The following GRID2 variants were observed in gnomAD, a reference collection of about 807,000 sequenced individuals.
GRID2 encodes glutamate receptor ionotropic, delta-2.
GRID2 carries 33 observed loss-of-function variants against 114.8 expected under a neutral mutation model. The ratio of observed to expected loss-of-function variants is 0.29; its 90% CI spans 0.22 to 0.38. GRID2 has a LOEUF of 0.38. Ranked by LOEUF, GRID2 falls within the 10% of genes least tolerant of loss-of-function variation. The pLI, the probability that GRID2 is intolerant of heterozygous loss-of-function variation, is 1.00. For synonymous variants in GRID2, 505 were observed against 449.9 expected (o/e 1.12, Z -1.55); for missense variants, 1,184 against 1,257.7 (o/e 0.94, Z 0.89).
chr4:93,704,213 T>C (rs5966945), intron 14 of GRID2, among the ~76,000 whole-genome samples: 6,404 of 152,268 alleles, frequency 0.042, 218 homozygotes, highest in African/African-American at 0.084. Flanking sequence ...TGGTATCTCA[T>C]TGTGGTTTTG....
intron 2 of GRID2, among the ~76,000 whole-genome samples, chr4:92,783,120 G>A (rs946754871): frequency 6.6e-6 from 1 of 151,962 alleles, no homozygotes; most frequent in Non-Finnish European, 1.5e-5. Context: ...CTTGAGATAT[G>A]TTATGCTTAT....
intron 2 of GRID2, among the ~76,000 whole-genome samples, chr4:92,674,301 T>C (rs1484049203): frequency 6.6e-6 from 1 of 152,086 alleles, no homozygotes; most frequent in East Asian, 1.9e-4. Context: ...GATCTCAAAG[T>C]CTCTGTTTAT....
At chr4:92,997,416 A>C (rs1329560314) in intron 2 of GRID2, among the ~76,000 whole-genome samples, 1 of 152,196 alleles carries the variant, frequency 6.6e-6, no homozygotes. Context: ...AGGGTTCCTC[A>C]TAAGATCAGA....
intron 1 of GRID2, among the ~76,000 whole-genome samples, chr4:92,392,203 G>A (rs1339311998): frequency 4.6e-5 from 7 of 152,196 alleles, no homozygotes; most frequent in African/African-American, 1.7e-4. Flanking sequence ...CCTTTGAAAA[G>A]TAAATTTGAC....
chr4:93,470,493 G>A (rs1240906202), intron 11 of GRID2, among the ~76,000 whole-genome samples: 1 of 152,066 alleles, frequency 6.6e-6, no homozygotes, highest in Non-Finnish European at 1.5e-5. Context: ...TCATTGAATT[G>A]AGGGAGCTTA....
intron 1 of GRID2, among the ~76,000 whole-genome samples, chr4:92,413,620 A>G (rs28610963): frequency 0.017 from 2,529 of 152,270 alleles, 75 homozygotes; most frequent in African/African-American, 0.058. Context: ...ACATATGGAA[A>G]GTGTTTGGGA....
chr4:93,395,560 G>T, intron 8 of GRID2, 47 bp from the exon 9 acceptor site: 2 of 821,234 alleles, frequency 2.4e-6, no homozygotes, highest in South Asian at 1.3e-5. Context: ...GAGGTGATGG[G>T]ACTGTTCTTC....
chr4:92,542,790 AAAG>A (rs1726043450), intron 1 of GRID2, among the ~76,000 whole-genome samples: 3 of 152,264 alleles, frequency 2.0e-5, no homozygotes, highest in Admixed American at 1.3e-4. Flanking sequence ...AAAAATTTAA[AAAG>A]AAAATGCTAA....
chr4:93,676,080 A>G (rs1257964451), intron 14 of GRID2, among the ~76,000 whole-genome samples: 2 of 152,248 alleles, frequency 1.3e-5, no homozygotes, highest in South Asian at 2.1e-4. Flanking sequence ...TAAAGCATTC[A>G]GTATGTTGCA....
At chr4:92,797,607 A>G (rs917432085) in intron 2 of GRID2, among the ~76,000 whole-genome samples, 21 of 151,956 alleles carry the variant, frequency 1.4e-4, no homozygotes, top group Non-Finnish European at 5.9e-5. Flanking sequence ...CTTTTTCAAT[A>G]TATTTTTGTA....
chr4:93,652,784 T>TAAAAA (rs200098114), intron 14 of GRID2, among the ~76,000 whole-genome samples: 28 of 86,380 alleles, frequency 3.2e-4, no homozygotes, highest in South Asian at 4.4e-4. Context: ...CAGTAAATGC[T>TAAAAA]AAAAAAAAAA....
intron 14 of GRID2, among the ~76,000 whole-genome samples, chr4:93,718,212 C>A (rs996786354): frequency 1.3e-5 from 2 of 152,090 alleles, no homozygotes; most frequent in Admixed American, 6.6e-5. Flanking sequence ...TGTATATATA[C>A]CCCTATATGC....
chr4:92,877,425 G>A (rs975634950), intron 2 of GRID2, among the ~76,000 whole-genome samples: 5 of 152,166 alleles, frequency 3.3e-5, no homozygotes, highest in African/African-American at 1.2e-4. Flanking sequence ...ATGAAGCTCT[G>A]AAGTAACTTT....
At chr4:92,844,894 A>C (rs1379695877) in intron 2 of GRID2, among the ~76,000 whole-genome samples, 1 of 152,052 alleles carries the variant, frequency 6.6e-6, no homozygotes, top group African/African-American at 2.4e-5. Flanking sequence ...TTACTGCTTT[A>C]ATAAGGACAT....
intron 2 of GRID2, among the ~76,000 whole-genome samples, chr4:92,709,330 C>A (rs1392060740): frequency 6.6e-6 from 1 of 151,712 alleles, no homozygotes; most frequent in Non-Finnish European, 1.5e-5. Flanking sequence ...TATTTAATAA[C>A]AACATTCTGC....
At chr4:93,109,311 A>G (rs1732552044) in intron 3 of GRID2, among the ~76,000 whole-genome samples, 1 of 152,240 alleles carries the variant, frequency 6.6e-6, no homozygotes, top group Non-Finnish European at 1.5e-5. Flanking sequence ...TAGAATTTAT[A>G]CAGTATATAT....
intron 13 of GRID2, among the ~76,000 whole-genome samples, chr4:93,566,546 G>C (rs1735439869): frequency 6.6e-6 from 1 of 152,134 alleles, no homozygotes; most frequent in African/African-American, 2.4e-5. Context: ...GAGGCGGGTG[G>C]ATTGCTTGAG....
chr4:92,948,956 G>T (rs1342120784), intron 2 of GRID2, among the ~76,000 whole-genome samples: 2 of 151,642 alleles, frequency 1.3e-5, no homozygotes, highest in Non-Finnish European at 2.9e-5. Flanking sequence ...ACTTCCTCCA[G>T]TCAACTCATT....
At position 93,519,240 on chromosome 4, in the gene GRID2, G is replaced by A. The variant is rs897162294; in HGVS notation, c.2193+3829G>A. Among the ~76,000 whole-genome samples the A allele has an allele frequency of 3.3e-5, 5 of 152,148 alleles. 1 individual carries two copies. The highest frequency in any genetic ancestry group is 4.2e-4 in the South Asian group (2 of 4,818). ...AAGAGCAACATGATAACATATTTTG[G>A]CAAATCATATGACTATTGTGCTGAA... On this transcript the variant is annotated intron_variant, in intron 13 of 15. Coordinates refer to ENST00000282020, the MANE Select transcript of GRID2 (RefSeq NM_001510.4).
Sources: allele counts gnomAD v4.1 joint callset (sites outside exome capture counted in the v4.1 genomes callset), GRCh38; gene constraint gnomAD v4.1.1; transcripts MANE v1.5; gene names NCBI Gene and HGNC (gene_info 2026-07-23, HGNC 2026-07-21).